The following GK5 variants were observed in gnomAD, a reference collection of about 807,000 sequenced individuals.
The protein encoded by GK5 is ATP:glycerol 3-phosphotransferase 5.
GK5 carries 39 observed loss-of-function variants against 77.3 expected under a neutral mutation model. The ratio of observed to expected loss-of-function variants is 0.50; its 90% confidence interval spans 0.39 to 0.66. The LOEUF (loss-of-function observed/expected upper bound fraction) is 0.66, where lower values mean the gene tolerates loss of function less well. Among genes scored for constraint, GK5 ranks in the 30% least tolerant of loss-of-function variants. The pLI is 0.00. For missense variants in GK5, 487 were observed against 633.8 expected (o/e 0.77, Z 2.49); for synonymous variants, 211 against 208.0 (o/e 1.01, Z -0.13).
intron 1 of GK5, among the ~76,000 whole-genome samples, chr3:142,219,911 G>C (rs1265703776): frequency 4.6e-5 from 7 of 152,196 alleles, no homozygotes; most frequent in Non-Finnish European, 1.0e-4. Flanking sequence ...AGAGGATACA[G>C]TGAACTGTGG....
intron 4 of GK5, among the ~76,000 whole-genome samples, chr3:142,203,265 A>G (rs1192563491): frequency 6.6e-6 from 1 of 152,192 alleles, no homozygotes; most frequent in Non-Finnish European, 1.5e-5. Flanking sequence ...AAACTATCAA[A>G]AAGGAAAATC....
rs1391661520 is a variant in GK5, at chr3:142,165,084, T to A, written c.*538A>T. The A allele has an allele frequency of 6.6e-6, 1 of 152,654 alleles. No individual in the cohort carries two copies. The highest frequency in any genetic ancestry group is 1.9e-4 in the East Asian group (1 of 5,200). 9.5% of individuals were successfully genotyped at this position (152,654 alleles called of 1,614,324 possible). A position where few individuals can be genotyped will look rare whatever the true frequency, so the allele number is the denominator to read the frequency against. ...CTTATCTGAGAGGGACATATTAAGC[T>A]CATATTTGGATATAATATTAGGAAA... On this transcript the variant is annotated 3_prime_UTR_variant, in exon 16 of 16. Transcript: ENST00000392993.
chr3:142,174,957 A>G (rs1349520584), intron 12 of GK5, among the ~76,000 whole-genome samples: 1 of 152,246 alleles, frequency 6.6e-6, no homozygotes, highest in Non-Finnish European at 1.5e-5. Flanking sequence ...TGTAAGAAAA[A>G]TGATGACAAT....
intron 3 of GK5, among the ~76,000 whole-genome samples, chr3:142,208,594 T>C (rs1404730422): frequency 3.9e-5 from 6 of 152,220 alleles, no homozygotes; most frequent in Admixed American, 1.3e-4. Flanking sequence ...AAAGATCAGA[T>C]TGTGTTTGAT....
chr3:142,162,368 G>A lies in GK5; in HGVS notation c.*3254C>T, dbSNP rs776729727. Reference sequence around the variant, plus strand: ...TAGGGGGATGGTACTTGTAGCTAGAGGGCAGAGGTCAGGGATATTGCTAAA... The same window carrying A: ...TAGGGGGATGGTACTTGTAGCTAGAAGGCAGAGGTCAGGGATATTGCTAAA... On this transcript the variant is annotated 3_prime_UTR_variant, in exon 16 of 16. Coordinates refer to ENST00000392993, the MANE Select transcript of GK5 (RefSeq NM_001039547.3). The A allele has an allele frequency of 5.9e-5, 9 of 152,160 alleles. No homozygotes were observed. The highest frequency in any genetic ancestry group is 1.2e-4 in the Non-Finnish European group (8 of 68,046). 9.4% of individuals were successfully genotyped at this position (152,160 alleles called of 1,614,324 possible). A position where few individuals can be genotyped will look rare whatever the true frequency, so the allele number is the denominator to read the frequency against.
intron 5 of GK5, among the ~76,000 whole-genome samples, chr3:142,189,685 C>A (rs1409357233): frequency 1.3e-5 from 2 of 152,118 alleles, no homozygotes; most frequent in East Asian, 1.9e-4. Context: ...CCTAGGTCAA[C>A]CCCCCTCACG....
At chr3:142,217,587 CA>C (rs2064290297) in intron 1 of GK5, among the ~76,000 whole-genome samples, 1 of 151,712 alleles carries the variant, frequency 6.6e-6, no homozygotes. Context: ...GGGTTCAGAA[CA>C]GGAAAAAAAA....
intron 4 of GK5, among the ~76,000 whole-genome samples, chr3:142,202,287 G>T (rs1334209095): frequency 6.6e-6 from 1 of 152,130 alleles, no homozygotes; most frequent in African/African-American, 2.4e-5. Context: ...CGGAAGACCG[G>T]GCATCTGGGG....
chr3:142,204,765 T>C lies in GK5; in HGVS notation c.341A>G (p.Asn114Ser), dbSNP rs768640851. The C allele has an allele frequency of 1.9e-6, 3 of 1,570,576 alleles. No individual in the cohort carries two copies. The East Asian group carries it at 6.7e-5, about 35-fold the overall frequency. Residue 114 changes from asparagine (N) to serine (S), a missense_variant, in exon 4 of 16, where the codon AAC becomes AGC. Transcript: ENST00000392993. ...WNKKTGNHFH[N>S]FISWQDLRAV... is the part of the protein sequence containing the mutation. Reference sequence around the variant, plus strand: ...TCTTAAGTCTTGCCAACTTATAAAGTTGTGAAAATGATTTCCTGTTTTCCT... The same window carrying C: ...TCTTAAGTCTTGCCAACTTATAAAGCTGTGAAAATGATTTCCTGTTTTCCT...
intron 5 of GK5, 93 bp from the exon 6 acceptor site, chr3:142,187,872 T>C: frequency 1.2e-6 from 1 of 828,738 alleles, no homozygotes; most frequent in Non-Finnish European, 1.9e-6. Flanking sequence ...TAAACCCATT[T>C]TTATAAAAAT....
Position 142,164,130 on chromosome 3 carries a change from T to C in GK5, c.*1492A>G, listed in dbSNP as rs1008246745. On this transcript the variant is annotated 3_prime_UTR_variant, in exon 16 of 16. Transcript: ENST00000392993. ...TCAGAAAATTTAATAATTAAGAAGA[T>C]ACTTGAAGTTCATTCAAATGGCACT... 3 of 152,214 alleles carry C rather than the reference T, an allele frequency of 2.0e-5. No homozygotes were observed. The highest frequency in any genetic ancestry group is 7.2e-5 in the African/African-American group (3 of 41,462). 9.4% of individuals were successfully genotyped at this position (152,214 alleles called of 1,614,324 possible). A position where few individuals can be genotyped will look rare whatever the true frequency, so the allele number is the denominator to read the frequency against.
intron 5 of GK5, among the ~76,000 whole-genome samples, chr3:142,196,175 C>T (rs2063930214): frequency 6.6e-6 from 1 of 152,034 alleles, no homozygotes; most frequent in Non-Finnish European, 1.5e-5. Context: ...TATTAATATC[C>T]ATAATTTCAT....
chr3:142,173,579 G>A (rs1274165565), intron 12 of GK5, among the ~76,000 whole-genome samples: 2 of 152,174 alleles, frequency 1.3e-5, no homozygotes, highest in Non-Finnish European at 1.5e-5. Context: ...AGCTGCTCGG[G>A]AGGCTGAGGC....
At chr3:142,225,109 C>T (rs1400870226) in intron 1 of GK5, among the ~76,000 whole-genome samples, 200 bp downstream of exon 1, 8 of 152,176 alleles carry the variant, frequency 5.3e-5, no homozygotes, top group Non-Finnish European at 1.2e-4. Flanking sequence ...GAAGGGCGCG[C>T]GGGATTCAGC....
In GK5 at chr3:142,215,637, C is replaced by T; in HGVS notation, c.203G>A (p.Trp68Ter). The change falls in exon 2 of 16, where the codon TGG becomes TAG. Residue 68 changes from tryptophan to a stop codon, truncating the protein, a stop_gained. Transcript: ENST00000392993. LOFTEE classifies it high-confidence loss of function. ...TTTTATTACGGCAACAAATTGAATC[C>T]AAAGAACATCAGGATCAATTTCTAC... ...GWVEIDPDVL[W>*]IQFVAVIKEA... 6.3e-7 allele frequency: 1 copy of T among 1,596,278 alleles called. No homozygotes were observed. The highest frequency in any genetic ancestry group is 8.6e-7 in the Non-Finnish European group (1 of 1,166,262).
chr3:142,190,349 T>C (rs1188919918), intron 5 of GK5, among the ~76,000 whole-genome samples: 1 of 152,112 alleles, frequency 6.6e-6, no homozygotes, highest in Non-Finnish European at 1.5e-5. Flanking sequence ...TGGAAGTCAT[T>C]ACTTACATCC....
intron 3 of GK5, 110 bp from the exon 4 acceptor site, chr3:142,204,898 A>G: frequency 1.6e-6 from 1 of 635,388 alleles, no homozygotes; most frequent in African/African-American, 1.8e-5. Flanking sequence ...TGCAAAGTAT[A>G]ATTTAGTTAC....
At chr3:142,204,298 G>A (rs184478301) in intron 4 of GK5, 15 of 259,276 alleles carry the variant, frequency 5.8e-5, no homozygotes, top group Admixed American at 1.5e-4. Flanking sequence ...GATTACAGGC[G>A]CGAGCCATCA....
Position 142,187,727 on chromosome 3 carries a change from C to A in GK5, c.596G>T (p.Trp199Leu), listed in dbSNP as rs142045762. Residue 199 changes from tryptophan (W) to leucine (L), a missense_variant, in exon 6 of 16, where the codon TGG (tryptophan) becomes TTG (leucine). Around this residue, in one of 4 missense-constraint regions of GK5, gnomAD observed 323 missense variants for 437.4 expected, o/e 0.74. Coordinates refer to ENST00000392993, the MANE Select transcript of GK5 (RefSeq NM_001039547.3). ...ACCTTTTGTGAGCTTATATAACAAC[C>A]AGGTATCAATAGTCCCAAAGCAGCA... The part of the protein sequence containing the change: ...ENCCFGTIDT[W>L]LLYKLTKGSV... The A allele has an allele frequency of 3.4e-5, 55 of 1,610,904 alleles. 1 individual carries two copies. Among genetic ancestry groups the A allele is most frequent in the Non-Finnish European group, 4.3e-5 (51 of 1,178,654 alleles).
Sources: allele counts gnomAD v4.1 joint callset (sites outside exome capture counted in the v4.1 genomes callset), GRCh38; gene constraint gnomAD v4.1.1; regional missense constraint gnomAD v4.1.1; transcripts MANE v1.5; gene names NCBI Gene and HGNC (gene_info 2026-07-23, HGNC 2026-07-21).